Variants in CPVL observed in about 807,000 individuals in gnomAD.
The protein encoded by CPVL is carboxypeptidase vitellogenic like.
CPVL carries 51 observed loss-of-function variants against 63.7 expected under a neutral mutation model. That is an observed-to-expected ratio of 0.80 (90% CI 0.64 to 1.01). The LOEUF is 1.01. Ranked by LOEUF, CPVL falls within the 50% of genes least tolerant of loss-of-function variation. CPVL has a pLI of 0.00. For synonymous variants in CPVL, 195 were observed against 206.0 expected (o/e 0.95, Z 0.46); for missense variants, 530 against 573.1 (o/e 0.92, Z 0.77).
rs188457489 is a variant in CPVL, at chr7:29,093,116, T to C, written c.463-414A>G. Among the ~76,000 whole-genome samples the C allele has an allele frequency of 4.9e-3, 746 of 152,226 alleles. 10 individuals carry two copies. The highest frequency in any genetic ancestry group is 0.017 in the African/African-American group (711 of 41,540). On this transcript the variant is annotated intron_variant, in intron 5 of 12. Transcript: ENST00000265394. ...AAGAAGAAACTCTTGGTTGGCGCAG[T>C]GGCTCACTTCTGTAATCCCAGCACT...
chr7:29,135,327 T>C (rs897197293), intron 1 of CPVL, among the ~76,000 whole-genome samples: 1 of 150,298 alleles, frequency 6.7e-6, no homozygotes, highest in African/African-American at 2.4e-5. Context: ...AAGCCAAAAT[T>C]GTATTAGATT....
At chr7:29,101,904 A>C (rs946651438) in intron 3 of CPVL, among the ~76,000 whole-genome samples, 4 of 152,208 alleles carry the variant, frequency 2.6e-5, no homozygotes, top group African/African-American at 7.2e-5. Flanking sequence ...TTATTCACTT[A>C]ACAATATGTT....
intron 11 of CPVL, among the ~76,000 whole-genome samples, chr7:29,037,591 C>T (rs1171223186): frequency 2.0e-5 from 3 of 148,932 alleles, no homozygotes; most frequent in African/African-American, 7.5e-5. Context: ...AAGAAAAGCA[C>T]ATATGAATCG....
intron 11 of CPVL, among the ~76,000 whole-genome samples, chr7:29,040,641 G>A (rs1437345202): frequency 1.3e-5 from 2 of 152,164 alleles, no homozygotes; most frequent in Non-Finnish European, 2.9e-5. Flanking sequence ...AAGGAAAAGG[G>A]AAGACAAGAG....
intron 5 of CPVL, among the ~76,000 whole-genome samples, chr7:29,154,411 T>C (rs1265285066): frequency 6.6e-6 from 1 of 152,222 alleles, no homozygotes; most frequent in South Asian, 2.1e-4. Flanking sequence ...CTGTAGATTT[T>C]GGATGTTCCT....
intron 5 of CPVL, among the ~76,000 whole-genome samples, chr7:29,177,632 CTGTT>C (rs1279739761): frequency 6.6e-6 from 1 of 151,122 alleles, no homozygotes; most frequent in African/African-American, 2.4e-5. Flanking sequence ...CTTCTTCCAT[CTGTT>C]TATCTATCTG....
chr7:28,996,897 CTTT>C (rs928662993), intron 12 of CPVL, among the ~76,000 whole-genome samples: 12 of 152,292 alleles, frequency 7.9e-5, no homozygotes, highest in African/African-American at 2.9e-4. Context: ...AGATTTTCTT[CTTT>C]TGAGTCAAGT....
intron 7 of CPVL, among the ~76,000 whole-genome samples, chr7:29,081,774 C>A (rs537757811): frequency 2.6e-5 from 4 of 152,228 alleles, no homozygotes; most frequent in Non-Finnish European, 5.9e-5. Context: ...TAATAATAGT[C>A]ATCATGTGTT....
At chr7:29,194,692 CCT>C (rs1324116271) in intron 1 of CPVL, 2 of 393,938 alleles carry the variant, frequency 5.1e-6, no homozygotes, top group Non-Finnish European at 8.9e-6. Flanking sequence ...CCACCTACCC[CCT>C]GACACCCATA....
At chr7:29,058,283 A>T (rs10274311) in intron 11 of CPVL, among the ~76,000 whole-genome samples, 1 of 151,822 alleles carries the variant, frequency 6.6e-6, no homozygotes, top group Admixed American at 6.6e-5. Flanking sequence ...AAGGGTGCTA[A>T]TGTAAATAGT....
chr7:29,141,943 T>C lies in CPVL; in HGVS notation c.-11+4486A>G, dbSNP rs1162162723. 3.9e-5 allele frequency among the ~76,000 whole-genome samples: 6 copies of C among 152,036 alleles called. No homozygotes were observed. In the East Asian group the frequency reaches 1.2e-3, roughly 29 times the overall value. On this transcript the variant is annotated intron_variant, in intron 1 of 12. Transcript: ENST00000265394. ...AAAAAAAAAAGTAGCTGTTGCCTTGTGAAAAGATAGACAAGTTCATTAAAT... is the reference window on the plus strand; with the variant it reads ...AAAAAAAAAAGTAGCTGTTGCCTTGCGAAAAGATAGACAAGTTCATTAAAT...
At position 29,146,531 on chromosome 7, in the gene CPVL, C is replaced by T. The variant is rs1002151010; in HGVS notation, c.-113G>A. On this transcript the variant is annotated 5_prime_UTR_variant, in exon 1 of 13. Transcript: ENST00000265394. ...CAGGCAGAAGTGAGGCAGCCCCACC[C>T]AGTCACGAGGACCCTGCAGAACTCG... The T allele has an allele frequency of 2.0e-5, 30 of 1,498,072 alleles. No homozygotes were observed. The highest frequency in any genetic ancestry group is 2.7e-5 in the Non-Finnish European group (30 of 1,125,652). The allele number at this position is 1,498,072 out of a possible 1,614,324, so 92.8% of individuals were successfully genotyped here.
Position 29,062,966 on chromosome 7 carries a change from A to G in CPVL, c.1137+1095T>C, listed in dbSNP as rs1782774401. ...AGTCATCAGTACAGGCATCCTTCGG[A>G]GTTGCCCTAGAGACGATCCCTTGGG... On this transcript the variant is annotated intron_variant, in intron 11 of 12. Transcript: ENST00000265394. Among the ~76,000 whole-genome samples, 3 of 152,116 alleles carry G rather than the reference A, an allele frequency of 2.0e-5. No individual in the cohort carries two copies. The South Asian group carries it at 6.2e-4, about 32-fold the overall frequency.
chr7:29,175,591 C>T (rs926359158), intron 5 of CPVL, among the ~76,000 whole-genome samples: 5 of 152,130 alleles, frequency 3.3e-5, no homozygotes, highest in East Asian at 1.9e-4. Flanking sequence ...CCTCCCCAGC[C>T]GTATGGAACT....
At chr7:29,084,232 C>T (rs1199675274) in intron 7 of CPVL, among the ~76,000 whole-genome samples, 2 of 152,198 alleles carry the variant, frequency 1.3e-5, no homozygotes, top group African/African-American at 2.4e-5. Flanking sequence ...ATCCACTGGC[C>T]TCTTTCTGCT....
intron 2 of CPVL, among the ~76,000 whole-genome samples, chr7:29,119,128 C>A (rs534051931): frequency 6.6e-6 from 1 of 152,210 alleles, no homozygotes; most frequent in Non-Finnish European, 1.5e-5. Flanking sequence ...AGCTTAGGAA[C>A]CTACTGAAGT....
chr7:29,166,967 A>G (rs1038790408), intron 5 of CPVL, among the ~76,000 whole-genome samples: 10 of 152,112 alleles, frequency 6.6e-5, no homozygotes, highest in Non-Finnish European at 5.9e-5. Context: ...TCTCCACAAT[A>G]TAAGATATAT....
intron 5 of CPVL, among the ~76,000 whole-genome samples, chr7:29,166,872 C>A (rs960244656): frequency 3.9e-5 from 6 of 151,964 alleles, no homozygotes; most frequent in African/African-American, 1.5e-4. Context: ...ACATTTGAAA[C>A]ATATTTATAA....
At chr7:29,188,039 C>T (rs1317648677) in intron 1 of CPVL, among the ~76,000 whole-genome samples, 3 of 152,098 alleles carry the variant, frequency 2.0e-5, no homozygotes, top group Non-Finnish European at 4.4e-5. Flanking sequence ...TTAATATACT[C>T]GCATAGAGGT....
Sources: allele counts gnomAD v4.1 joint callset (sites outside exome capture counted in the v4.1 genomes callset), GRCh38; gene constraint gnomAD v4.1.1; transcripts MANE v1.5; gene names NCBI Gene and HGNC (gene_info 2026-07-23, HGNC 2026-07-21).